MED12L: variants seen among roughly 807,000 people sequenced by gnomAD.
MED12L encodes mediator of RNA polymerase II transcription subunit 12-like protein.
A neutral mutation model predicts 281.3 loss-of-function variants in MED12L; 60 were observed. That is an observed-to-expected ratio of 0.21 (90% CI 0.17 to 0.26). The LOEUF is 0.26. Among genes scored for constraint, MED12L ranks in the 10% least tolerant of loss-of-function variants. The pLI is 1.00. For synonymous variants in MED12L, 974 were observed against 987.2 expected (o/e 0.99, Z 0.25); for missense variants, 2,146 against 2,680.9 (o/e 0.80, Z 4.41).
intron 43 of MED12L, among the ~76,000 whole-genome samples, chr3:151,421,765 C>T (rs1718278606): frequency 6.6e-6 from 1 of 151,942 alleles, no homozygotes; most frequent in Non-Finnish European, 1.5e-5. Flanking sequence ...TTAATAGTTC[C>T]ACTAAGATGC....
chr3:151,318,439 G>A (rs1041299650), intron 16 of MED12L, among the ~76,000 whole-genome samples: 2 of 150,834 alleles, frequency 1.3e-5, no homozygotes, highest in African/African-American at 4.9e-5. Context: ...TGGGAGATTT[G>A]TCCTTGTGTT....
chr3:151,294,470 G>C, intron 16 of MED12L: 2 of 1,614,166 alleles, frequency 1.2e-6, no homozygotes, highest in South Asian at 2.2e-5. Flanking sequence ...AAAAAACACA[G>C]CCACAACAAC....
intron 16 of MED12L, among the ~76,000 whole-genome samples, chr3:151,330,958 C>T (rs1477520255): frequency 6.6e-6 from 1 of 152,052 alleles, no homozygotes; most frequent in Non-Finnish European, 1.5e-5. Context: ...TTTCCTATAG[C>T]CCCAAATCCA....
At chr3:151,132,880 A>G (rs1418296978) in intron 5 of MED12L, among the ~76,000 whole-genome samples, 1 of 152,256 alleles carries the variant, frequency 6.6e-6, no homozygotes, top group African/African-American at 2.4e-5. Context: ...GGCTGTGTAG[A>G]CATAGCCATA....
intron 16 of MED12L, among the ~76,000 whole-genome samples, chr3:151,262,501 C>G (rs1479353106): frequency 1.3e-5 from 2 of 152,204 alleles, no homozygotes; most frequent in Admixed American, 6.5e-5. Context: ...ATAGACTTTA[C>G]ATAGTTCAGC....
chr3:151,172,100 T>G (rs1314452788), intron 11 of MED12L, among the ~76,000 whole-genome samples: 1 of 152,188 alleles, frequency 6.6e-6, no homozygotes, highest in East Asian at 1.9e-4. Context: ...GACGAATGCT[T>G]AGATTCAGAT....
At position 151,399,701 on chromosome 3, in the gene MED12L, C is replaced by A. The variant is rs193075325; in HGVS notation, c.5820+4834C>A. 1.1e-3 allele frequency among the ~76,000 whole-genome samples: 165 copies of A among 152,240 alleles called. 1 individual carries two copies. The East Asian group carries it at 0.026, about 24-fold the overall frequency. ...CTGCTTTAATTATTTTCCACTCATT[C>A]CTTTCTTATACTCGGTATTTTTCTT... On this transcript the variant is annotated intron_variant, in intron 39 of 44. Transcript: ENST00000687756.
rs559805293 is a variant in MED12L, at chr3:151,089,157, G to GT, written c.99+2133dup. ...TTGTGTTTCCTGGGCAGTACTACAC[G>GT]TGGAGTCATGGATTTATTGAAATAT... On this transcript the variant is annotated intron_variant, in intron 2 of 44. Coordinates refer to ENST00000687756, the MANE Select transcript of MED12L (RefSeq NM_001393769.1). Among the ~76,000 whole-genome samples the GT allele has an allele frequency of 2.9e-4, 44 of 152,164 alleles. 1 individual carries two copies. In the East Asian group the frequency reaches 6.7e-3, roughly 23 times the overall value.
At chr3:151,254,658 A>G (rs943076313) in intron 16 of MED12L, among the ~76,000 whole-genome samples, 1 of 152,234 alleles carries the variant, frequency 6.6e-6, no homozygotes, top group East Asian at 1.9e-4. Flanking sequence ...GTGAAGTCCA[A>G]GTGCATGTTT....
chr3:151,271,320 T>G (rs2149555338), intron 16 of MED12L, among the ~76,000 whole-genome samples: 1 of 152,298 alleles, frequency 6.6e-6, no homozygotes, highest in African/African-American at 2.4e-5. Context: ...AAGGTAGTAC[T>G]TTCACCCATT....
intron 16 of MED12L, among the ~76,000 whole-genome samples, chr3:151,265,340 A>T (rs1011601807): frequency 6.6e-6 from 1 of 152,202 alleles, no homozygotes; most frequent in African/African-American, 2.4e-5. Context: ...TGTTGAGTTT[A>T]TTTTTCCCAG....
chr3:151,169,093 T>C (rs1721073200), intron 11 of MED12L, among the ~76,000 whole-genome samples: 1 of 151,148 alleles, frequency 6.6e-6, no homozygotes, highest in South Asian at 2.1e-4. Flanking sequence ...GGGTTACTGT[T>C]TTCTTTTTCT....
intron 11 of MED12L, among the ~76,000 whole-genome samples, chr3:151,177,464 G>A (rs983394800): frequency 3.9e-5 from 6 of 152,126 alleles, no homozygotes; most frequent in African/African-American, 1.4e-4. Context: ...CTGCTTTCAA[G>A]TTTATTAAGA....
chr3:151,213,407 C>T (rs1727519027), intron 16 of MED12L: 1 of 1,613,930 alleles, frequency 6.2e-7, no homozygotes, highest in Admixed American at 1.7e-5. Flanking sequence ...CATAAGATTT[C>T]CCTAAACGGC....
At chr3:151,338,374 G>T (rs199746754) in intron 16 of MED12L, 1 of 1,614,068 alleles carries the variant, frequency 6.2e-7, no homozygotes, top group Admixed American at 1.7e-5. Context: ...ATCATGTTAG[G>T]CAAAGAGAGT....
intron 44 of MED12L, among the ~76,000 whole-genome samples, chr3:151,431,697 A>G (rs1207929215): frequency 6.6e-6 from 1 of 152,184 alleles, no homozygotes; most frequent in Non-Finnish European, 1.5e-5. Flanking sequence ...TATGATTTTT[A>G]TAAAGTGGCA....
At chr3:151,381,406 T>G (rs1712314611) in intron 32 of MED12L, among the ~76,000 whole-genome samples, 1 of 152,190 alleles carries the variant, frequency 6.6e-6, no homozygotes. Flanking sequence ...AGGCCAGACA[T>G]GATTTGACAC....
At chr3:151,126,371 A>C (rs1452448834) in intron 4 of MED12L, among the ~76,000 whole-genome samples, 2 of 152,158 alleles carry the variant, frequency 1.3e-5, no homozygotes, top group Non-Finnish European at 2.9e-5. Flanking sequence ...TGTGCAACCC[A>C]GGCAGCTTTT....
chr3:151,285,010 T>C (rs543521925), intron 16 of MED12L, among the ~76,000 whole-genome samples: 1 of 152,352 alleles, frequency 6.6e-6, no homozygotes, highest in East Asian at 1.9e-4. Flanking sequence ...GTGGTCTGAA[T>C]GTTTGTGTCC....
Sources: gnomAD v4.1 joint callset for allele counts (sites outside exome capture counted in the v4.1 genomes callset) on GRCh38, gnomAD v4.1.1 for gene constraint, MANE v1.5 for transcripts, NCBI Gene and HGNC (gene_info 2026-07-23, HGNC 2026-07-21) for gene names.